Variants in SMURF2 observed in about 807,000 individuals in gnomAD.
SMURF2 encodes SMAD specific E3 ubiquitin protein ligase 2, also known as E3 ubiquitin-protein ligase SMURF2.
Under a neutral mutation model 109.6 loss-of-function variants are expected in SMURF2, and 48 were observed. The ratio of observed to expected loss-of-function variants is 0.44; its 90% CI spans 0.35 to 0.56. The LOEUF (loss-of-function observed/expected upper bound fraction) is 0.56. SMURF2 is among the 20% of genes least tolerant of loss of function. The probability of loss-of-function intolerance (pLI) is 0.01; values close to 1 mark genes in which losing one functional copy is unlikely to be tolerated. For missense variants in SMURF2, 575 were observed against 909.0 expected (o/e 0.63, Z 4.72); for synonymous variants, 288 against 317.1 (o/e 0.91, Z 0.97).
At chr17:64,642,978 G>A (rs771768730) in intron 1 of SMURF2, among the ~76,000 whole-genome samples, 1 of 151,918 alleles carries the variant, frequency 6.6e-6, no homozygotes, top group South Asian at 2.1e-4. Flanking sequence ...TGTATGTTTT[G>A]TAGAGACGGA....
intron 1 of SMURF2, among the ~76,000 whole-genome samples, chr17:64,652,188 A>G (rs1555693568): frequency 5.9e-5 from 9 of 152,180 alleles, no homozygotes. Flanking sequence ...GGAAAACTAC[A>G]GGGCCCAATC....
At chr17:64,557,970 A>G (rs1568173265) in intron 12 of SMURF2, among the ~76,000 whole-genome samples, 1 of 152,230 alleles carries the variant, frequency 6.6e-6, no homozygotes, top group Non-Finnish European at 1.5e-5. Flanking sequence ...AGCATCAAAG[A>G]GTATAAAAGT....
intron 1 of SMURF2, among the ~76,000 whole-genome samples, chr17:64,661,497 C>T (rs1320230967): frequency 3.3e-5 from 5 of 152,104 alleles, no homozygotes; most frequent in Admixed American, 3.3e-4. Context: ...CTCACCTGGG[C>T]GGTAGCCCAG....
chr17:64,574,946 T>C lies in SMURF2; in HGVS notation c.858-2990A>G, dbSNP rs80211733. On this transcript the variant is annotated intron_variant, in intron 9 of 18. Transcript: ENST00000262435. ...ATCATTTAGTTAAAAAAAATGATCA[T>C]TGTTATTCTATACATTTCCTACAAG... Among the ~76,000 whole-genome samples, 4 of 152,272 alleles carry C rather than the reference T, an allele frequency of 2.6e-5. No homozygotes were observed. In the East Asian group the frequency reaches 5.8e-4, roughly 22 times the overall value.
intron 1 of SMURF2, among the ~76,000 whole-genome samples, chr17:64,618,479 C>A (rs782589717): frequency 1.3e-5 from 2 of 152,214 alleles, no homozygotes; most frequent in African/African-American, 4.8e-5. Flanking sequence ...TGAAAATACA[C>A]AAAAGTACCG....
chr17:64,654,690 G>A (rs536279137), intron 1 of SMURF2, among the ~76,000 whole-genome samples: 149 of 152,236 alleles, frequency 9.8e-4, no homozygotes, highest in African/African-American at 3.1e-3. Flanking sequence ...TTAGCCGGGC[G>A]CGGTGGCACA....
chr17:64,634,612 A>G (rs1177754057), intron 1 of SMURF2, among the ~76,000 whole-genome samples: 4 of 151,946 alleles, frequency 2.6e-5, no homozygotes, highest in Non-Finnish European at 4.4e-5. Flanking sequence ...TACTCCAACC[A>G]CCTTCCATTT....
chr17:64,612,269 T>C (rs1273844646), intron 1 of SMURF2, among the ~76,000 whole-genome samples: 3 of 152,132 alleles, frequency 2.0e-5, no homozygotes, highest in African/African-American at 7.2e-5. Context: ...AGGTACTCAA[T>C]AAATATCTGT....
At chr17:64,570,379 T>C (rs572023170) in intron 10 of SMURF2, among the ~76,000 whole-genome samples, 1 of 152,334 alleles carries the variant, frequency 6.6e-6, no homozygotes, top group South Asian at 2.1e-4. Flanking sequence ...TCCAAGTTCT[T>C]AGCCTAAAAT....
chr17:64,546,850 G>A (rs1437402767), intron 17 of SMURF2, among the ~76,000 whole-genome samples: 2 of 152,210 alleles, frequency 1.3e-5, no homozygotes, highest in Non-Finnish European at 2.9e-5. Flanking sequence ...TGAGGATGAG[G>A]AGCTCTCCTT....
chr17:64,658,431 G>T (rs1421360269), intron 1 of SMURF2, among the ~76,000 whole-genome samples: 2 of 152,172 alleles, frequency 1.3e-5, no homozygotes, highest in Non-Finnish European at 2.9e-5. Context: ...AATTTTTAAA[G>T]CCTTGAATCG....
chr17:64,586,201 C>A, intron 5 of SMURF2, 31 bp from the exon 6 acceptor site: 1 of 1,406,274 alleles, frequency 7.1e-7, no homozygotes, highest in South Asian at 1.3e-5. Context: ...TACTAAGATT[C>A]ATACAACTAG....
At chr17:64,645,699 C>CT (rs1342062113) in intron 1 of SMURF2, among the ~76,000 whole-genome samples, 2 of 152,154 alleles carry the variant, frequency 1.3e-5, no homozygotes, top group Non-Finnish European at 2.9e-5. Context: ...TCTCAAACGC[C>CT]TAGGCTTAAC....
chr17:64,657,969 A>T (rs143588409), intron 1 of SMURF2, among the ~76,000 whole-genome samples: 235 of 152,306 alleles, frequency 1.5e-3, no homozygotes, highest in African/African-American at 5.4e-3. Flanking sequence ...TTAAAAGAAA[A>T]GGAAGGAGCT....
At chr17:64,593,311 A>G in intron 4 of SMURF2, 129 bp downstream of exon 4, 1 of 706,754 alleles carries the variant, frequency 1.4e-6, no homozygotes, top group Non-Finnish European at 1.9e-6. Context: ...ATACTCAAAT[A>G]TATATATTAT....
chr17:64,644,217 C>T (rs564815123), intron 1 of SMURF2, among the ~76,000 whole-genome samples: 1 of 152,172 alleles, frequency 6.6e-6, no homozygotes, highest in South Asian at 2.1e-4. Context: ...GTTGCTCAGG[C>T]AATCCACCTG....
chr17:64,578,817 C>G (rs181302238), intron 8 of SMURF2, among the ~76,000 whole-genome samples: 163 of 152,148 alleles, frequency 1.1e-3, no homozygotes, highest in African/African-American at 3.9e-3. Context: ...GGCTTAAATA[C>G]TAAATATGTT....
chr17:64,652,752 T>C (rs1970656768), intron 1 of SMURF2, among the ~76,000 whole-genome samples: 1 of 152,038 alleles, frequency 6.6e-6, no homozygotes, highest in Non-Finnish European at 1.5e-5. Context: ...TCCCAAAGAA[T>C]AGGCATGAGC....
intron 1 of SMURF2, among the ~76,000 whole-genome samples, chr17:64,647,780 A>G (rs782400134): frequency 9.2e-5 from 14 of 151,946 alleles, no homozygotes; most frequent in Non-Finnish European, 1.0e-4. Flanking sequence ...ACCTTGGTAG[A>G]CACAGTGGCT....
Sources: gnomAD v4.1 joint callset for allele counts (sites outside exome capture counted in the v4.1 genomes callset) on GRCh38, gnomAD v4.1.1 for gene constraint, MANE v1.5 for transcripts, NCBI Gene and HGNC (gene_info 2026-07-23, HGNC 2026-07-21) for gene names.